The following DOCK4 variants were observed in gnomAD, a reference collection of about 807,000 sequenced individuals.
DOCK4 encodes dedicator of cytokinesis protein 4.
DOCK4 carries 97 observed loss-of-function variants against 268.1 expected under a neutral mutation model. That is an observed-to-expected ratio of 0.36 (90% CI 0.31 to 0.43). The LOEUF is 0.43. DOCK4 is among the 20% of genes least tolerant of loss of function. The probability of loss-of-function intolerance (pLI) is 1.00; values close to 1 mark genes in which losing one functional copy is unlikely to be tolerated. For missense variants in DOCK4, 2,145 were observed against 2,455.7 expected, an observed-to-expected ratio of 0.87 and a Z score of 2.67; for synonymous variants, 954 against 887.2, an observed-to-expected ratio of 1.08 and a Z score of -1.34.
chr7:111,941,643 T>TA lies in DOCK4; in HGVS notation c.845-1402dup, dbSNP rs112474229. Among the ~76,000 whole-genome samples, 647 of 146,734 alleles carry TA rather than the reference T, an allele frequency of 4.4e-3. 3 individuals are homozygous for TA. The highest frequency in any genetic ancestry group is 0.013 in the African/African-American group (539 of 40,384). On this transcript the variant is annotated intron_variant, in intron 10 of 52. Coordinates refer to ENST00000428084, the MANE Select transcript of DOCK4 (RefSeq NM_001363540.2). ...TTAACATCAGAAAGAAGCTCCTTAT[T>TA]AAAAAAAAAAACTAGAAACTGCAAA...
chr7:111,943,990 G>A (rs78504063), intron 10 of DOCK4, among the ~76,000 whole-genome samples: 2 of 152,198 alleles, frequency 1.3e-5, no homozygotes, highest in South Asian at 4.1e-4. Context: ...AGTTAGTGAA[G>A]AAGTGGGAAT....
At chr7:111,874,808 C>A (rs558890299) in intron 17 of DOCK4, among the ~76,000 whole-genome samples, 1 of 152,308 alleles carries the variant, frequency 6.6e-6, no homozygotes, top group African/African-American at 2.4e-5. Flanking sequence ...AGTGCTCTGA[C>A]CTTGGTACAC....
At chr7:112,078,521 T>A (rs73210929) in intron 1 of DOCK4, among the ~76,000 whole-genome samples, 40,673 of 152,068 alleles carry the variant, frequency 0.27, 6,468 homozygotes, top group Non-Finnish European at 0.37. Flanking sequence ...AAAAAAAATA[T>A]TTAACTAGGC....
At chr7:112,019,913 A>AGGC (rs1802168554) in intron 1 of DOCK4, among the ~76,000 whole-genome samples, 1 of 152,228 alleles carries the variant, frequency 6.6e-6, no homozygotes, top group South Asian at 2.1e-4. Context: ...CAACCAGGAA[A>AGGC]GTCAATTTGT....
At chr7:112,003,954 TG>T in intron 2 of DOCK4, 93 bp downstream of exon 2, 1 of 932,280 alleles carries the variant, frequency 1.1e-6, no homozygotes, top group Non-Finnish European at 1.5e-6. Context: ...TGGTGACTAC[TG>T]GAAAAGTTCC....
chr7:112,202,762 A>G (rs1449107717), intron 1 of DOCK4, among the ~76,000 whole-genome samples: 6 of 151,782 alleles, frequency 4.0e-5, no homozygotes, highest in Non-Finnish European at 5.9e-5. Context: ...CTGTCTCTAA[A>G]TTAAAAAAAA....
chr7:111,767,743 C>A (rs1563476714), intron 37 of DOCK4, among the ~76,000 whole-genome samples: 2 of 152,052 alleles, frequency 1.3e-5, no homozygotes, highest in Admixed American at 1.3e-4. Context: ...TAAACAGGCC[C>A]TCAGTGCAGA....
intron 14 of DOCK4, among the ~76,000 whole-genome samples, chr7:111,901,279 A>C (rs1419600011): frequency 7.2e-6 from 1 of 138,682 alleles, no homozygotes; most frequent in Non-Finnish European, 1.5e-5. Context: ...GGTTGCAATG[A>C]GTGGAGATCA....
chr7:111,859,313 G>T (rs1028839263), intron 23 of DOCK4, among the ~76,000 whole-genome samples: 1 of 152,134 alleles, frequency 6.6e-6, no homozygotes, highest in East Asian at 1.9e-4. Flanking sequence ...CTAAGTTTGC[G>T]ATTACTGTCA....
chr7:111,779,295 T>C lies in DOCK4; in HGVS notation c.3586-926A>G, dbSNP rs1254424238. 2.0e-5 allele frequency among the ~76,000 whole-genome samples: 3 copies of C among 152,206 alleles called. No individual in the cohort carries two copies. In the East Asian group the frequency reaches 5.8e-4, roughly 29 times the overall value. ...ATTTCAAATTATTATTACAGAAACATGTTTATTGAAAATATTTTGTTTCCT... is the reference window on the plus strand; with the variant it reads ...ATTTCAAATTATTATTACAGAAACACGTTTATTGAAAATATTTTGTTTCCT... On this transcript the variant is annotated intron_variant, in intron 35 of 52. Coordinates refer to ENST00000428084, the MANE Select transcript of DOCK4 (RefSeq NM_001363540.2).
intron 2 of DOCK4, among the ~76,000 whole-genome samples, chr7:112,003,331 T>C (rs1274340905): frequency 1.3e-5 from 2 of 152,120 alleles, no homozygotes; most frequent in East Asian, 3.9e-4. Context: ...GAGGCTGCAG[T>C]GAGCCATGAT....
Position 111,809,183 on chromosome 7 carries a change from T to TG in DOCK4, c.3107+117dup, listed in dbSNP as rs1291196559. 9 of 836,918 alleles carry TG rather than the reference T, an allele frequency of 1.1e-5. 1 individual carries two copies. The South Asian group carries it at 1.4e-4, about 13-fold the overall frequency. The allele number at this position is 836,918 out of a possible 1,614,324, so 51.8% of individuals were successfully genotyped here. On this transcript the variant is annotated intron_variant, in intron 29 of 52. Transcript: ENST00000428084. ...CAGAAAAGACTGCTTCTTGACCCCT[T>TG]GGTCACTGGTTCTTCACTGTGTGAT...
chr7:111,903,895 C>T (rs1231866338), intron 13 of DOCK4, among the ~76,000 whole-genome samples: 1 of 152,188 alleles, frequency 6.6e-6, no homozygotes, highest in Non-Finnish European at 1.5e-5. Context: ...TACAAATAGC[C>T]TATAAAACCT....
At chr7:111,792,137 T>C (rs1799592870) in intron 30 of DOCK4, among the ~76,000 whole-genome samples, 1 of 152,234 alleles carries the variant, frequency 6.6e-6, no homozygotes, top group African/African-American at 2.4e-5. Flanking sequence ...ACGCTAATCA[T>C]CTTTGTTAAA....
At chr7:112,099,970 C>T (rs1810523696) in intron 1 of DOCK4, among the ~76,000 whole-genome samples, 1 of 152,152 alleles carries the variant, frequency 6.6e-6, no homozygotes, top group African/African-American at 2.4e-5. Flanking sequence ...CAAGAACTCA[C>T]AAATAGTATT....
intron 15 of DOCK4, among the ~76,000 whole-genome samples, chr7:111,896,486 G>GCTT (rs750840339): frequency 1.5e-4 from 20 of 133,988 alleles, no homozygotes; most frequent in African/African-American, 4.1e-4. Flanking sequence ...TTTCCACCAA[G>GCTT]GTTTTTTTTT....
intron 10 of DOCK4, among the ~76,000 whole-genome samples, chr7:111,942,361 G>A (rs542374124): frequency 6.6e-6 from 1 of 152,160 alleles, no homozygotes; most frequent in African/African-American, 2.4e-5. Flanking sequence ...CTACTAAATA[G>A]GTACAAGAGA....
At chr7:112,091,609 A>G (rs953901967) in intron 1 of DOCK4, among the ~76,000 whole-genome samples, 1 of 152,154 alleles carries the variant, frequency 6.6e-6, no homozygotes, top group African/African-American at 2.4e-5. Flanking sequence ...TCAGCACTAT[A>G]CCTGGATGCA....
intron 1 of DOCK4, among the ~76,000 whole-genome samples, chr7:112,030,336 C>T (rs1414324226): frequency 2.6e-5 from 4 of 152,220 alleles, no homozygotes; most frequent in Non-Finnish European, 4.4e-5. Flanking sequence ...AAAATTCCTG[C>T]TCAAAGTCAA....
Sources: gnomAD v4.1 joint callset for allele counts (sites outside exome capture counted in the v4.1 genomes callset) on GRCh38, gnomAD v4.1.1 for gene constraint, MANE v1.5 for transcripts, NCBI Gene and HGNC (gene_info 2026-07-23, HGNC 2026-07-21) for gene names.